Variants in PRDM16 observed in about 807,000 individuals in gnomAD.
PRDM16 encodes the protein PR/SET domain 16.
PRDM16 carries 23 observed loss-of-function variants against 110.6 expected under a neutral mutation model. That is an observed-to-expected ratio of 0.21 (90% CI 0.15 to 0.29). The LOEUF (loss-of-function observed/expected upper bound fraction) is 0.29. Among genes scored for constraint, PRDM16 ranks in the 10% least tolerant of loss-of-function variants. The probability of loss-of-function intolerance (pLI) is 1.00; values close to 1 mark genes in which losing one functional copy is unlikely to be tolerated. For synonymous variants in PRDM16, 799 were observed against 781.8 expected (o/e 1.02, Z -0.37); for missense variants, 1,615 against 1,794.3 (o/e 0.90, Z 1.81).
At chr1:3,299,398 T>G (rs1305021857) in intron 3 of PRDM16, among the ~76,000 whole-genome samples, 3 of 85,344 alleles carry the variant, frequency 3.5e-5, no homozygotes, top group Admixed American at 1.6e-4. Flanking sequence ...ACTCTGCCCT[T>G]GTTGAAGATG....
chr1:3,360,455 G>A (rs541520505), intron 3 of PRDM16, among the ~76,000 whole-genome samples: 63 of 152,314 alleles, frequency 4.1e-4, no homozygotes, highest in African/African-American at 1.5e-3. Context: ...CCACCGACAC[G>A]TTGTCCTTAG....
chr1:3,153,017 G>A (rs1003832365), intron 1 of PRDM16, among the ~76,000 whole-genome samples: 3 of 152,238 alleles, frequency 2.0e-5, no homozygotes, highest in African/African-American at 7.2e-5. Flanking sequence ...CACCAGACCA[G>A]AGGAGTGAAC....
intron 3 of PRDM16, among the ~76,000 whole-genome samples, chr1:3,287,568 G>A (rs78220952): frequency 1.8e-4 from 6 of 33,744 alleles, no homozygotes; most frequent in African/African-American, 9.6e-4. Context: ...TGCCACGCGG[G>A]CATCCAGGAT....
At position 3,425,837 on chromosome 1, in the gene PRDM16, G is replaced by A. The variant is rs1040604176; in HGVS notation, c.3109+87G>A. 4.6e-5 allele frequency: 70 copies of A among 1,519,518 alleles called. No homozygotes were observed. Among genetic ancestry groups the A allele is most frequent in the Admixed American group, 3.9e-4 (22 of 56,268 alleles). The allele number at this position is 1,519,518 out of a possible 1,614,324, so 94.1% of individuals were successfully genotyped here. On this transcript the variant is annotated intron_variant, in intron 13 of 16. Coordinates refer to ENST00000270722, the MANE Select transcript of PRDM16 (RefSeq NM_022114.4). This position sits in a 1 kb window ranked among gnomAD's most constrained non-coding sequence, Gnocchi z 6.9. ...GAGGGGGAACAGCAGGGGAGTGGGC[G>A]CCGGGCAGGGAAGAGGGCCACAGAC...
At position 3,359,109 on chromosome 1, in the gene PRDM16, G is replaced by A. The variant is rs143492984; in HGVS notation, c.439-26043G>A. Among the ~76,000 whole-genome samples the A allele has an allele frequency of 0.014, 2,129 of 152,218 alleles. 39 individuals carry two copies. Among genetic ancestry groups the A allele is most frequent in the African/African-American group, 0.046 (1,904 of 41,536 alleles). On this transcript the variant is annotated intron_variant, in intron 3 of 16. Transcript: ENST00000270722. The surrounding 1 kb of genome is among the most constrained non-coding windows in gnomAD (Gnocchi z 4.3). ...GGCTGGAGTGCAGTGGCTCCATCAC[G>A]GCACACTGCAGCCTCCACCTCCCGG...
chr1:3,391,512 G>A (rs1052439025), intron 4 of PRDM16, among the ~76,000 whole-genome samples: 4 of 152,310 alleles, frequency 2.6e-5, no homozygotes, highest in East Asian at 3.9e-4. Context: ...CTGTGGACTC[G>A]TCATTTATAT....
At chr1:3,150,305 C>A (rs943376688) in intron 1 of PRDM16, among the ~76,000 whole-genome samples, 1 of 151,514 alleles carries the variant, frequency 6.6e-6, no homozygotes, top group African/African-American at 2.4e-5. Flanking sequence ...CCTGTAATCC[C>A]AGCACTTTGG....
At chr1:3,404,203 G>A (rs1643520993) in intron 6 of PRDM16, among the ~76,000 whole-genome samples, 1 of 152,202 alleles carries the variant, frequency 6.6e-6, no homozygotes, top group Non-Finnish European at 1.5e-5. Context: ...GGGAATTAGA[G>A]CGACTCCTTC....
At chr1:3,351,084 G>A (rs1343859771) in intron 3 of PRDM16, among the ~76,000 whole-genome samples, 1 of 152,212 alleles carries the variant, frequency 6.6e-6, no homozygotes, top group Non-Finnish European at 1.5e-5. Flanking sequence ...CCTGGGAATG[G>A]CCGCTGGCTC....
At chr1:3,404,707 G>A (rs376231664) in intron 6 of PRDM16, 32 bp from the exon 7 acceptor site, 159 of 1,609,642 alleles carry the variant, frequency 9.9e-5, no homozygotes, top group Middle Eastern at 1.6e-4. Context: ...GCAGGTAGTC[G>A]GGCCCCGCAG....
intron 3 of PRDM16, among the ~76,000 whole-genome samples, chr1:3,317,239 C>T (rs1036138044): frequency 6.6e-6 from 1 of 152,192 alleles, no homozygotes; most frequent in Non-Finnish European, 1.5e-5. Flanking sequence ...TTGCTGTCTG[C>T]TCCTATGACC....
intron 4 of PRDM16, chr1:3,386,873 T>A (rs962630643): frequency 6.6e-6 from 1 of 152,168 alleles, no homozygotes; most frequent in African/African-American, 2.4e-5. Flanking sequence ...GGGCCCAGAT[T>A]TTTTTTATTT....
intron 10 of PRDM16, 75 bp from the exon 11 acceptor site, chr1:3,417,753 A>G: frequency 8.0e-7 from 1 of 1,248,670 alleles, no homozygotes; most frequent in African/African-American, 1.5e-5. Flanking sequence ...GTTGTACAGA[A>G]CCCCCAGCAG....
At chr1:3,396,455 C>T (rs1293283656) in intron 4 of PRDM16, 36 bp from the exon 5 acceptor site, 1 of 1,220,324 alleles carries the variant, frequency 8.2e-7, no homozygotes, top group Non-Finnish European at 1.2e-6. Flanking sequence ...ACCAACAAAC[C>T]ACACTCACCC....
intron 3 of PRDM16, among the ~76,000 whole-genome samples, chr1:3,379,132 ACACACCCCTCC>A (rs1643049627): frequency 1.9e-5 from 1 of 52,564 alleles, no homozygotes; most frequent in Non-Finnish European, 3.7e-5. Context: ...ACCCCTCCCA[ACACACCCCTCC>A]CAGCACACCC....
chr1:3,118,898 A>T (rs149918290), intron 1 of PRDM16, among the ~76,000 whole-genome samples: 62 of 152,348 alleles, frequency 4.1e-4, no homozygotes, highest in African/African-American at 1.3e-3. Flanking sequence ...GAAGACTCCC[A>T]TCAAAGAAAG....
chr1:3,131,506 G>C (rs1395927193), intron 1 of PRDM16, among the ~76,000 whole-genome samples: 1 of 149,514 alleles, frequency 6.7e-6, no homozygotes, highest in Non-Finnish European at 1.5e-5. Context: ...TACTTCAAAG[G>C]ATTTTTTAGC....
At chr1:3,204,549 G>C (rs1638709537) in intron 2 of PRDM16, among the ~76,000 whole-genome samples, 1 of 152,182 alleles carries the variant, frequency 6.6e-6, no homozygotes, top group African/African-American at 2.4e-5. Context: ...GGGAGCCCGT[G>C]GCTCCGTTTC....
At chr1:3,235,663 G>C (rs892364757) in intron 2 of PRDM16, among the ~76,000 whole-genome samples, 1 of 152,224 alleles carries the variant, frequency 6.6e-6, no homozygotes, top group Non-Finnish European at 1.5e-5. Flanking sequence ...CCCAGGTGGA[G>C]CCCAGGAACA....
Sources: gnomAD v4.1 joint callset for allele counts (sites outside exome capture counted in the v4.1 genomes callset) on GRCh38, gnomAD v4.1.1 for gene constraint, Gnocchi (gnomAD v3.1) non-coding constraint, MANE v1.5 for transcripts, NCBI Gene and HGNC (gene_info 2026-07-23, HGNC 2026-07-21) for gene names.